The following RXRG variants were observed in gnomAD, a reference collection of about 807,000 sequenced individuals.
RXRG encodes the protein retinoid X receptor gamma.
A neutral mutation model predicts 49.2 loss-of-function variants in RXRG; 19 were observed. The ratio of observed to expected loss-of-function variants is 0.39; its 90% CI spans 0.27 to 0.57. The LOEUF (loss-of-function observed/expected upper bound fraction) is 0.57, where lower values mean the gene tolerates loss of function less well. Among genes scored for constraint, RXRG ranks in the 20% least tolerant of loss-of-function variants. The pLI, the probability that RXRG is intolerant of heterozygous loss-of-function variation, is 0.64. For missense variants in RXRG, 452 were observed against 592.5 expected, an observed-to-expected ratio of 0.76 and a Z score of 2.46; for synonymous variants, 224 against 216.6, an observed-to-expected ratio of 1.03 and a Z score of -0.30.
At chr1:165,433,298 G>C (rs1037610631) in intron 1 of RXRG, among the ~76,000 whole-genome samples, 2 of 152,066 alleles carry the variant, frequency 1.3e-5, no homozygotes, top group African/African-American at 4.8e-5. Flanking sequence ...AAATTACCTA[G>C]TCTGAGGTAT....
intron 1 of RXRG, among the ~76,000 whole-genome samples, chr1:165,432,240 A>G (rs1442796335): frequency 6.6e-6 from 1 of 152,234 alleles, no homozygotes. Flanking sequence ...TTGAGATACA[A>G]TGAAATAATG....
chr1:165,423,903 T>A (rs1192676573), intron 2 of RXRG, among the ~76,000 whole-genome samples: 3 of 152,216 alleles, frequency 2.0e-5, no homozygotes, highest in Admixed American at 1.3e-4. Context: ...TTTTTATTTA[T>A]TTTCTATGAA....
intron 2 of RXRG, 48 bp downstream of exon 2, chr1:165,428,662 GCCTGGGTGA>G: frequency 2.6e-6 from 4 of 1,531,712 alleles, no homozygotes; most frequent in Non-Finnish European, 2.6e-6. Context: ...TCCAGGAGCA[GCCTGGGTGA>G]AACCATGTAA....
intron 1 of RXRG, among the ~76,000 whole-genome samples, chr1:165,444,086 C>T (rs918050497): frequency 4.6e-5 from 7 of 152,110 alleles, no homozygotes; most frequent in African/African-American, 1.4e-4. Flanking sequence ...ACCTAGTCTC[C>T]GGAAGCTTCT....
intron 4 of RXRG, among the ~76,000 whole-genome samples, chr1:165,414,279 A>G (rs1339105093): frequency 1.3e-5 from 2 of 152,200 alleles, no homozygotes; most frequent in African/African-American, 4.8e-5. Context: ...TAAAAAATGC[A>G]GGAGCAAAAA....
chr1:165,420,523 AG>A (rs1658280312), intron 2 of RXRG, among the ~76,000 whole-genome samples: 1 of 152,216 alleles, frequency 6.6e-6, no homozygotes, highest in Non-Finnish European at 1.5e-5. Flanking sequence ...ACACTGTGCC[AG>A]GCTCTGGGGT....
intron 1 of RXRG, among the ~76,000 whole-genome samples, chr1:165,435,127 A>G (rs1658785159): frequency 6.6e-6 from 1 of 152,214 alleles, no homozygotes; most frequent in Non-Finnish European, 1.5e-5. Context: ...AGTATTTGGG[A>G]TTTTTGGATT....
chr1:165,404,383 G>A (rs527818115), intron 9 of RXRG, among the ~76,000 whole-genome samples: 9 of 152,288 alleles, frequency 5.9e-5, no homozygotes, highest in African/African-American at 2.2e-4. Flanking sequence ...AGGCAGCCCA[G>A]CCCCCTGCCA....
At chr1:165,411,991 A>G (rs985438003) in intron 4 of RXRG, among the ~76,000 whole-genome samples, 2 of 152,180 alleles carry the variant, frequency 1.3e-5, no homozygotes, top group African/African-American at 2.4e-5. Context: ...TTACATCCCC[A>G]AAGTCAAGAA....
At chr1:165,403,036 T>C (rs1286687864) in intron 9 of RXRG, among the ~76,000 whole-genome samples, 1 of 151,516 alleles carries the variant, frequency 6.6e-6, no homozygotes, top group African/African-American at 2.4e-5. Flanking sequence ...CACACACACA[T>C]ACCCTCACAC....
At chr1:165,440,191 A>T (rs1473466472) in intron 1 of RXRG, among the ~76,000 whole-genome samples, 1 of 152,224 alleles carries the variant, frequency 6.6e-6, no homozygotes, top group African/African-American at 2.4e-5. Context: ...ATTAAAATCC[A>T]GATCTGCTGC....
chr1:165,403,028 C>T (rs921844394), intron 9 of RXRG, among the ~76,000 whole-genome samples: 2 of 152,092 alleles, frequency 1.3e-5, no homozygotes, highest in Non-Finnish European at 2.9e-5. Flanking sequence ...ACAACATGCA[C>T]ACACACATAC....
intron 4 of RXRG, among the ~76,000 whole-genome samples, chr1:165,414,431 C>T (rs951324460): frequency 2.0e-5 from 3 of 152,204 alleles, no homozygotes; most frequent in Non-Finnish European, 2.9e-5. Context: ...CTGTCCCTAA[C>T]TGAGCTGGGG....
intron 2 of RXRG, among the ~76,000 whole-genome samples, chr1:165,427,193 C>T (rs779261155): frequency 6.6e-6 from 1 of 152,198 alleles, no homozygotes; most frequent in Non-Finnish European, 1.5e-5. Context: ...AAGGCCCTGC[C>T]AGTTCTGCCT....
intron 1 of RXRG, among the ~76,000 whole-genome samples, chr1:165,443,559 C>T (rs972711685): frequency 2.6e-5 from 4 of 152,352 alleles, no homozygotes; most frequent in African/African-American, 9.6e-5. Flanking sequence ...CTATTACACA[C>T]ATCATGCAGT....
At chr1:165,441,741 G>C (rs1393618340) in intron 1 of RXRG, among the ~76,000 whole-genome samples, 1 of 152,158 alleles carries the variant, frequency 6.6e-6, no homozygotes, top group East Asian at 1.9e-4. Context: ...GGGGATTACA[G>C]GCTTTGTTTT....
intron 1 of RXRG, 36 bp downstream of exon 1, chr1:165,444,809 C>T (rs1426446494): frequency 1.9e-6 from 3 of 1,587,740 alleles, no homozygotes; most frequent in African/African-American, 2.7e-5. Context: ...GTCTCTCATA[C>T]AGGTCCACGC....
chr1:165,432,076 G>A (rs1658689042), intron 1 of RXRG, among the ~76,000 whole-genome samples: 2 of 152,094 alleles, frequency 1.3e-5, no homozygotes, highest in South Asian at 4.1e-4. Context: ...TACAAATATG[G>A]ACTTTGAAGA....
intron 7 of RXRG, among the ~76,000 whole-genome samples, chr1:165,408,759 A>G (rs530366617): frequency 6.6e-6 from 1 of 152,324 alleles, no homozygotes; most frequent in South Asian, 2.1e-4. Context: ...AGTCATTCCA[A>G]ACACCATGTT....
Sources: gnomAD v4.1 joint callset for allele counts (sites outside exome capture counted in the v4.1 genomes callset) on GRCh38, gnomAD v4.1.1 for gene constraint, MANE v1.5 for transcripts, NCBI Gene and HGNC (gene_info 2026-07-23, HGNC 2026-07-21) for gene names.